The following MANBAL variants were observed in gnomAD, a reference collection of about 807,000 sequenced individuals.
MANBAL encodes protein MANBAL.
A neutral mutation model predicts 6.4 loss-of-function variants in MANBAL; 1 was observed. The observed-to-expected ratio is 0.16, with a 90% CI of 0.06 to 0.74. The LOEUF (loss-of-function observed/expected upper bound fraction) is 0.74, where lower values mean the gene tolerates loss of function less well. MANBAL is among the 30% of genes least tolerant of loss of function. The pLI, the probability that MANBAL is intolerant of heterozygous loss-of-function variation, is 0.78. For synonymous variants in MANBAL, 47 were observed against 45.8 expected, an observed-to-expected ratio of 1.03 and a Z score of -0.10; for missense variants, 100 against 107.8, an observed-to-expected ratio of 0.93 and a Z score of 0.32.
chr20:37,308,315 C>A (rs1009844284), intron 2 of MANBAL, among the ~76,000 whole-genome samples: 2 of 152,140 alleles, frequency 1.3e-5, no homozygotes, highest in African/African-American at 4.8e-5. Context: ...CTCCCTCTCT[C>A]AAGTGACAGG....
chr20:37,302,402 A>G, intron 2 of MANBAL: 1 of 1,514,072 alleles, frequency 6.6e-7, no homozygotes, highest in Non-Finnish European at 9.0e-7. Flanking sequence ...GCTGCTGCAC[A>G]TTTAGAGATT....
chr20:37,304,138 T>C (rs2069204537), intron 2 of MANBAL, among the ~76,000 whole-genome samples: 1 of 152,256 alleles, frequency 6.6e-6, no homozygotes. Flanking sequence ...TTTGTGATTC[T>C]TTTTTGGCCT....
intron 1 of MANBAL, among the ~76,000 whole-genome samples, chr20:37,290,754 C>T (rs867076208): frequency 1.3e-5 from 2 of 152,146 alleles, no homozygotes; most frequent in African/African-American, 2.4e-5. Flanking sequence ...CCACCACACC[C>T]GGCTTTTTTT....
intron 1 of MANBAL, among the ~76,000 whole-genome samples, chr20:37,294,320 C>A (rs1411027274): frequency 1.3e-5 from 2 of 152,234 alleles, no homozygotes; most frequent in Non-Finnish European, 2.9e-5. Context: ...TCCACAGCTA[C>A]CACCCTGGTG....
At chr20:37,314,470 A>G in intron 2 of MANBAL, among the ~76,000 whole-genome samples, 1 of 152,144 alleles carries the variant, frequency 6.6e-6, no homozygotes, top group Non-Finnish European at 1.5e-5. Context: ...ACTGAGCCCC[A>G]CTGAAACTGG....
At chr20:37,298,414 T>G (rs2069049998) in intron 1 of MANBAL, among the ~76,000 whole-genome samples, 1 of 152,214 alleles carries the variant, frequency 6.6e-6, no homozygotes, top group African/African-American at 2.4e-5. Flanking sequence ...CCTCCAGCCC[T>G]TGGTAACCTC....
chr20:37,310,576 A>C (rs1271698607), intron 2 of MANBAL, among the ~76,000 whole-genome samples: 1 of 152,252 alleles, frequency 6.6e-6, no homozygotes, highest in Non-Finnish European at 1.5e-5. Flanking sequence ...TGAACTGTAG[A>C]GTGGAAATCA....
intron 1 of MANBAL, chr20:37,297,154 G>GT (rs758160801): frequency 1.3e-5 from 2 of 152,196 alleles, no homozygotes; most frequent in Non-Finnish European, 2.9e-5. Context: ...GGTAGAGGCT[G>GT]TTACATTTCT....
chr20:37,309,709 CA>C, intron 2 of MANBAL, among the ~76,000 whole-genome samples: 1 of 152,250 alleles, frequency 6.6e-6, no homozygotes, highest in Non-Finnish European at 1.5e-5. Context: ...TGCAGTAGGA[CA>C]GTGGCCTAGA....
chr20:37,313,124 A>T (rs1192053884), intron 2 of MANBAL, among the ~76,000 whole-genome samples: 1 of 152,168 alleles, frequency 6.6e-6, no homozygotes, highest in Non-Finnish European at 1.5e-5. Context: ...CACGCCTGTA[A>T]TCCCAGCACT....
At chr20:37,292,483 G>T (rs2068893941) in intron 1 of MANBAL, among the ~76,000 whole-genome samples, 1 of 152,108 alleles carries the variant, frequency 6.6e-6, no homozygotes, top group Non-Finnish European at 1.5e-5. Context: ...TGTATTTTTA[G>T]TAGAGAGAGT....
chr20:37,304,651 T>C lies in MANBAL; in HGVS notation c.150+3238T>C, dbSNP rs374453468. Among the ~76,000 whole-genome samples, 6 of 152,354 alleles carry C rather than the reference T, an allele frequency of 3.9e-5. No homozygotes were observed. In the East Asian group the frequency reaches 9.6e-4, roughly 24 times the overall value. The stretch of plus-strand genomic sequence containing the variant: ...TGGATATCACTGTTCCTGGAGATGC[T>C]GCTTCTGTAGCTGGGAGGATGATGG... On this transcript the variant is annotated intron_variant, in intron 2 of 2. Coordinates refer to ENST00000373606, the MANE Select transcript of MANBAL (RefSeq NM_001003897.2).
intron 2 of MANBAL, among the ~76,000 whole-genome samples, chr20:37,309,259 G>A (rs925668275): frequency 1.1e-4 from 16 of 152,212 alleles, no homozygotes; most frequent in East Asian, 7.7e-4. Flanking sequence ...CTTATCAGTC[G>A]GGATTGACAG....
intron 2 of MANBAL, chr20:37,302,284 TC>T: frequency 1.4e-5 from 21 of 1,550,622 alleles, no homozygotes; most frequent in Non-Finnish European, 1.8e-5. Flanking sequence ...CAACAGGAGT[TC>T]CATGTAGAGG....
At chr20:37,316,213 C>T in intron 2 of MANBAL, 95 bp from the exon 3 acceptor site, 1 of 1,147,488 alleles carries the variant, frequency 8.7e-7, no homozygotes, top group South Asian at 1.4e-5. Context: ...TCTTGTGTTT[C>T]TGTGGCATGC....
chr20:37,293,880 G>A (rs904763149), intron 1 of MANBAL, among the ~76,000 whole-genome samples: 1 of 152,184 alleles, frequency 6.6e-6, no homozygotes, highest in Non-Finnish European at 1.5e-5. Context: ...TTTCAGTGAA[G>A]TTGTTTAATA....
At chr20:37,313,925 T>G (rs1162680128) in intron 2 of MANBAL, among the ~76,000 whole-genome samples, 1 of 152,192 alleles carries the variant, frequency 6.6e-6, no homozygotes, top group Non-Finnish European at 1.5e-5. Flanking sequence ...GGGGCCTGAC[T>G]CAGTGTGAGG....
chr20:37,310,885 CTG>C (rs1461656095), intron 2 of MANBAL, among the ~76,000 whole-genome samples: 7 of 152,238 alleles, frequency 4.6e-5, no homozygotes, highest in Non-Finnish European at 1.5e-5. Flanking sequence ...AGTCTGCCGT[CTG>C]TGTGGCTGGT....
intron 2 of MANBAL, among the ~76,000 whole-genome samples, chr20:37,315,108 C>T (rs969513919): frequency 6.6e-6 from 1 of 152,190 alleles, no homozygotes; most frequent in African/African-American, 2.4e-5. Context: ...GGGCCACGGT[C>T]GGCACCTGAA....
Sources: allele counts gnomAD v4.1 joint callset (sites outside exome capture counted in the v4.1 genomes callset), GRCh38; gene constraint gnomAD v4.1.1; transcripts MANE v1.5; gene names NCBI Gene and HGNC (gene_info 2026-07-23, HGNC 2026-07-21).